EYA2: variants seen among roughly 807,000 people sequenced by gnomAD.
The protein encoded by EYA2 is EYA transcriptional coactivator and phosphatase 2, also known as protein phosphatase EYA2.
EYA2 carries 31 observed loss-of-function variants against 69.2 expected under a neutral mutation model. The observed-to-expected ratio is 0.45, with a 90% confidence interval of 0.34 to 0.60. EYA2 has a LOEUF of 0.60. Ranked by LOEUF, EYA2 falls within the 20% of genes least tolerant of loss-of-function variation. The probability of loss-of-function intolerance (pLI) is 0.02; values close to 1 mark genes in which losing one functional copy is unlikely to be tolerated. For missense variants in EYA2, 622 were observed against 701.2 expected (o/e 0.89, Z 1.28); for synonymous variants, 257 against 279.4 (o/e 0.92, Z 0.80).
chr20:46,974,249 G>A (rs1474087487), intron 1 of EYA2, among the ~76,000 whole-genome samples: 1 of 152,100 alleles, frequency 6.6e-6, no homozygotes, highest in Non-Finnish European at 1.5e-5. Flanking sequence ...GCTTCATGGG[G>A]GCACAAATAA....
intron 8 of EYA2, among the ~76,000 whole-genome samples, chr20:47,089,961 A>G (rs2032023309): frequency 3.3e-5 from 5 of 152,024 alleles, no homozygotes; most frequent in Admixed American, 3.3e-4. Context: ...TAAGGCTTAG[A>G]TATTGATCTG....
chr20:46,897,018 TA>T (rs11086185), intron 1 of EYA2, among the ~76,000 whole-genome samples: 79,857 of 151,740 alleles, frequency 0.53, 21,079 homozygotes, highest in East Asian at 0.56. Flanking sequence ...AGGATTTTTT[TA>T]AAAAGTTTTC....
In EYA2 at chr20:47,071,974, G is replaced by T. The variant is rs1379639184; in HGVS notation, c.416-211G>T. 4 of 591,654 alleles carry T rather than the reference G, an allele frequency of 6.8e-6. No individual in the cohort carries two copies. In the African/African-American group the frequency reaches 7.4e-5, roughly 11 times the overall value. The allele number at this position is 591,654 out of a possible 1,614,324, so 36.7% of individuals were successfully genotyped here. On this transcript the variant is annotated intron_variant, in intron 5 of 15. Transcript: ENST00000327619. ...CCCAGGAGGCCGTGGTGATGCTGGT[G>T]GTAGGCGTCACCAGAGGATTAGTGT... is the stretch of plus-strand genomic sequence containing the variant.
chr20:46,957,682 A>G (rs1480225962), intron 1 of EYA2, among the ~76,000 whole-genome samples: 1 of 152,166 alleles, frequency 6.6e-6, no homozygotes, highest in Non-Finnish European at 1.5e-5. Flanking sequence ...AGAGGCTGAA[A>G]TGGATTCTCA....
chr20:47,182,107 C>T (rs2034548656), intron 14 of EYA2, among the ~76,000 whole-genome samples: 1 of 151,966 alleles, frequency 6.6e-6, no homozygotes, highest in South Asian at 2.1e-4. Context: ...CCTCCGCCTC[C>T]TGGGTTCAAG....
intron 9 of EYA2, among the ~76,000 whole-genome samples, chr20:47,101,301 G>C (rs1344164988): frequency 6.6e-6 from 1 of 152,108 alleles, no homozygotes; most frequent in African/African-American, 2.4e-5. Flanking sequence ...TGCCCAGGCT[G>C]GTCTCGAACT....
At chr20:46,968,127 A>G (rs1175082331) in intron 1 of EYA2, among the ~76,000 whole-genome samples, 2 of 152,158 alleles carry the variant, frequency 1.3e-5, no homozygotes, top group South Asian at 2.1e-4. Context: ...GAGTAGGGCC[A>G]TGTCCAGTTG....
intron 7 of EYA2, among the ~76,000 whole-genome samples, chr20:47,086,184 A>T (rs1265893191): frequency 6.6e-6 from 1 of 152,180 alleles, no homozygotes; most frequent in Non-Finnish European, 1.5e-5. Flanking sequence ...TGGGTAATTT[A>T]TAAAGAAAAG....
chr20:46,933,264 C>T (rs1263622815), intron 1 of EYA2, among the ~76,000 whole-genome samples: 1 of 152,198 alleles, frequency 6.6e-6, no homozygotes, highest in East Asian at 1.9e-4. Flanking sequence ...TAAGGACTCC[C>T]TCGATGTGAG....
chr20:46,992,735 T>C (rs1981760146), intron 2 of EYA2, among the ~76,000 whole-genome samples: 1 of 152,144 alleles, frequency 6.6e-6, no homozygotes, highest in Non-Finnish European at 1.5e-5. Flanking sequence ...GTGGAAGCGA[T>C]GAGGCAGAGA....
At chr20:47,154,582 TC>T (rs2033884093) in intron 10 of EYA2, among the ~76,000 whole-genome samples, 1 of 151,894 alleles carries the variant, frequency 6.6e-6, no homozygotes, top group African/African-American at 2.4e-5. Context: ...GACAGTGATG[TC>T]CGTCTGGTTT....
intron 11 of EYA2, among the ~76,000 whole-genome samples, chr20:47,169,505 A>T (rs1417532568): frequency 1.3e-5 from 2 of 151,990 alleles, no homozygotes; most frequent in Non-Finnish European, 2.9e-5. Context: ...AATGAGTAAA[A>T]ATTTGTTTAA....
chr20:46,964,431 C>T (rs990182158), intron 1 of EYA2, among the ~76,000 whole-genome samples: 1 of 152,156 alleles, frequency 6.6e-6, no homozygotes, highest in Non-Finnish European at 1.5e-5. Flanking sequence ...TAGCACCTGG[C>T]ACACAGAGGT....
At chr20:47,187,630 G>A (rs570846205) in intron 15 of EYA2, among the ~76,000 whole-genome samples, 12 of 152,204 alleles carry the variant, frequency 7.9e-5, no homozygotes, top group African/African-American at 2.2e-4. Context: ...TCCAATTCCC[G>A]GCCTCAAGCA....
chr20:47,133,264 G>A (rs1053461222), intron 9 of EYA2, among the ~76,000 whole-genome samples: 1 of 152,168 alleles, frequency 6.6e-6, no homozygotes, highest in Admixed American at 6.5e-5. Context: ...AGGAAAAAAA[G>A]GTGCCTCTCC....
At chr20:46,929,417 G>A (rs1334787798) in intron 1 of EYA2, among the ~76,000 whole-genome samples, 1 of 20,980 alleles carries the variant, frequency 4.8e-5, no homozygotes, top group Non-Finnish European at 2.0e-4. Context: ...ACTGAGAAGG[G>A]GCTTTTTTTT....
At chr20:47,056,492 T>G (rs2030618132) in intron 5 of EYA2, among the ~76,000 whole-genome samples, 1 of 152,180 alleles carries the variant, frequency 6.6e-6, no homozygotes, top group Admixed American at 6.5e-5. Flanking sequence ...ATTATCACCG[T>G]AGCTCCCGTT....
chr20:47,108,115 T>A (rs1191441509), intron 9 of EYA2, among the ~76,000 whole-genome samples: 1 of 152,194 alleles, frequency 6.6e-6, no homozygotes, highest in Non-Finnish European at 1.5e-5. Context: ...GGACAGAGTC[T>A]GCCCTGGTTT....
chr20:47,173,417 G>T (rs1289512370), intron 12 of EYA2, among the ~76,000 whole-genome samples: 3 of 149,694 alleles, frequency 2.0e-5, no homozygotes, highest in African/African-American at 2.5e-5. Flanking sequence ...CCCCGGAGCT[G>T]GTTAGAAGTG....
Sources: allele counts gnomAD v4.1 joint callset (sites outside exome capture counted in the v4.1 genomes callset), GRCh38; gene constraint gnomAD v4.1.1; transcripts MANE v1.5; gene names NCBI Gene and HGNC (gene_info 2026-07-23, HGNC 2026-07-21).